ZBBX: variants seen among roughly 807,000 people sequenced by gnomAD.
ZBBX encodes the protein zinc finger B-box domain containing.
ZBBX carries 101 observed loss-of-function variants against 108.5 expected under a neutral mutation model. That is an observed-to-expected ratio of 0.93 (90% confidence interval 0.79 to 1.10). ZBBX has a LOEUF of 1.10. ZBBX is among the 50% of genes least tolerant of loss of function. The pLI, the probability that ZBBX is intolerant of heterozygous loss-of-function variation, is 0.00. For synonymous variants in ZBBX, 356 were observed against 323.4 expected (o/e 1.10, Z -1.08); for missense variants, 1,009 against 941.4 (o/e 1.07, Z -0.94).
chr3:167,330,871 G>GAAGAAGAAGAAGA lies in ZBBX; in HGVS notation c.688-2756_688-2755insTCTTCTTCTTCTT, dbSNP rs1553820669. Among the ~76,000 whole-genome samples the GAAGAAGAAGAAGA allele has an allele frequency of 8.8e-3, 385 of 43,912 alleles. 48 individuals carry two copies. The highest frequency in any genetic ancestry group is 0.013 in the South Asian group (11 of 850). The allele number at this position is 43,912 out of a possible 152,430, so 28.8% of individuals were successfully genotyped here. A position where few individuals can be genotyped will look rare whatever the true frequency, so the allele number is the denominator to read the frequency against. ...GGAGGAGGAGGAGGAGGAGGAGGAG[G>GAAGAAGAAGAAGA]AGAAGAAGAAGAAGAAGAAGAAGAA... On this transcript the variant is annotated intron_variant, in intron 10 of 21. Coordinates refer to ENST00000675490, the MANE Select transcript of ZBBX (RefSeq NM_001199201.2).
intron 9 of ZBBX, among the ~76,000 whole-genome samples, chr3:167,340,605 G>A (rs1347504818): frequency 2.0e-5 from 3 of 151,788 alleles, no homozygotes; most frequent in African/African-American, 7.3e-5. Context: ...CTGAAAATAG[G>A]CTTTATCATA....
intron 20 of ZBBX, among the ~76,000 whole-genome samples, chr3:167,268,972 C>T (rs893823343): frequency 1.5e-4 from 23 of 152,108 alleles, no homozygotes; most frequent in African/African-American, 5.3e-4. Flanking sequence ...GGGGGAACAA[C>T]GTTGCAAAGT....
intron 1 of ZBBX, among the ~76,000 whole-genome samples, chr3:167,406,445 G>A (rs1010885160): frequency 6.6e-6 from 1 of 152,112 alleles, no homozygotes; most frequent in Non-Finnish European, 1.5e-5. Flanking sequence ...TTCCAGCTGG[G>A]TACAGTGGCT....
intron 16 of ZBBX, among the ~76,000 whole-genome samples, chr3:167,306,245 C>G (rs1352343804): frequency 6.6e-6 from 1 of 152,104 alleles, no homozygotes; most frequent in Non-Finnish European, 1.5e-5. Flanking sequence ...GCCTGTGGTT[C>G]AATTCTCACT....
rs146414962 is a variant in ZBBX, at chr3:167,310,962, G to A, written c.1417+3012C>T. ...CATTGCAATCCCAATCAAAATCCCC[G>A]CCTTTTTATAGAGAAACAAATGACC... On this transcript the variant is annotated intron_variant, in intron 16 of 21. Coordinates refer to ENST00000675490, the MANE Select transcript of ZBBX (RefSeq NM_001199201.2). Among the ~76,000 whole-genome samples the A allele has an allele frequency of 1.4e-3, 213 of 152,064 alleles. 1 individual carries two copies. Among genetic ancestry groups the A allele is most frequent in the African/African-American group, 4.7e-3 (193 of 41,474 alleles).
At chr3:167,254,711 T>C (rs1723170071) in intron 20 of ZBBX, among the ~76,000 whole-genome samples, 1 of 152,004 alleles carries the variant, frequency 6.6e-6, no homozygotes, top group Non-Finnish European at 1.5e-5. Context: ...GAAAATTTCT[T>C]TGAAAATAAC....
intron 20 of ZBBX, among the ~76,000 whole-genome samples, chr3:167,270,865 G>A (rs561946020): frequency 2.0e-5 from 3 of 152,270 alleles, no homozygotes; most frequent in Non-Finnish European, 2.9e-5. Flanking sequence ...TTCTTAACAG[G>A]AGATCCAACT....
chr3:167,399,452 G>T (rs1748348851), intron 1 of ZBBX: 1 of 152,244 alleles, frequency 6.6e-6, no homozygotes, highest in South Asian at 2.1e-4. Context: ...GGTGCTAGAG[G>T]TAGGGAACAT....
In ZBBX at chr3:167,282,165, G is replaced by A. The variant is rs1020471061; in HGVS notation, c.2254+73C>T. The A allele has an allele frequency of 1.2e-5, 17 of 1,437,670 alleles. No individual in the cohort carries two copies. The South Asian group carries it at 1.2e-4, about 10-fold the overall frequency. The allele number at this position is 1,437,670 out of a possible 1,614,324, so 89.1% of individuals were successfully genotyped here. A position where few individuals can be genotyped will look rare whatever the true frequency, so the allele number is the denominator to read the frequency against. Reference sequence around the variant, plus strand: ...TTGTTTGCTGGCTTGTTTTGTTAGCGCAAGATATGAAGAATCCGGCTGAGG... The same window carrying A: ...TTGTTTGCTGGCTTGTTTTGTTAGCACAAGATATGAAGAATCCGGCTGAGG... On this transcript the variant is annotated intron_variant, in intron 20 of 21. Coordinates refer to ENST00000675490, the MANE Select transcript of ZBBX (RefSeq NM_001199201.2).
chr3:167,358,201 T>C (rs1475684318), intron 8 of ZBBX, among the ~76,000 whole-genome samples: 12 of 151,518 alleles, frequency 7.9e-5, no homozygotes, highest in Non-Finnish European at 1.5e-4. Context: ...AATAAAAAAA[T>C]AATAAAAAAA....
chr3:167,283,834 G>A (rs1729239581), intron 19 of ZBBX, among the ~76,000 whole-genome samples: 1 of 151,994 alleles, frequency 6.6e-6, no homozygotes, highest in South Asian at 2.1e-4. Context: ...GTAGAGATGG[G>A]GTTTCACCAT....
At chr3:167,253,947 A>G (rs922619490) in intron 20 of ZBBX, among the ~76,000 whole-genome samples, 1 of 152,230 alleles carries the variant, frequency 6.6e-6, no homozygotes, top group Non-Finnish European at 1.5e-5. Context: ...TTAACCTCAA[A>G]GATGGAGCAA....
the ZBBX span, among the ~76,000 whole-genome samples, chr3:167,223,606 G>A: frequency 6.6e-6 from 1 of 151,804 alleles, no homozygotes; most frequent in Non-Finnish European, 1.5e-5. Flanking sequence ...GTCAATTCTA[G>A]CTTTTAACTT....
rs369447323 is a variant in ZBBX at position 167,343,673 on chromosome 3, AC to A, written c.528+6746del. On this transcript the variant is annotated intron_variant, in intron 9 of 21. Coordinates refer to ENST00000675490, the MANE Select transcript of ZBBX (RefSeq NM_001199201.2). The stretch of plus-strand genomic sequence containing the variant: ...AATGCAAACCAAACCACGATGTGCT[AC>A]TGCTTCATATTACTAGGATGTTAGA... 9.9e-4 allele frequency among the ~76,000 whole-genome samples: 151 copies of A among 152,056 alleles called. 5 individuals are homozygous for A. The South Asian group carries it at 0.03, about 30-fold the overall frequency.
chr3:167,346,596 TA>T (rs1741495496), intron 9 of ZBBX, among the ~76,000 whole-genome samples: 1 of 151,958 alleles, frequency 6.6e-6, no homozygotes, highest in African/African-American at 2.4e-5. Flanking sequence ...ACTTGCTTTT[TA>T]TATAGCAATG....
At chr3:167,313,719 C>A (rs1368165076) in intron 16 of ZBBX, among the ~76,000 whole-genome samples, 1 of 152,170 alleles carries the variant, frequency 6.6e-6, no homozygotes, top group East Asian at 1.9e-4. Flanking sequence ...TCCATGTAAT[C>A]TTTTAAATGC....
At chr3:167,388,460 T>C (rs1230987991) in intron 1 of ZBBX, among the ~76,000 whole-genome samples, 1 of 151,826 alleles carries the variant, frequency 6.6e-6, no homozygotes. Flanking sequence ...ACATTGGCTA[T>C]AGAGAGTTAA....
At chr3:167,284,117 C>A (rs1729290549) in intron 19 of ZBBX, among the ~76,000 whole-genome samples, 1 of 151,090 alleles carries the variant, frequency 6.6e-6, no homozygotes, top group Admixed American at 6.6e-5. Flanking sequence ...TAAGACTGAT[C>A]TTTTGTGTCT....
chr3:167,302,760 T>G (rs554262447), intron 17 of ZBBX, among the ~76,000 whole-genome samples: 27 of 152,218 alleles, frequency 1.8e-4, no homozygotes, highest in African/African-American at 6.0e-4. Flanking sequence ...CAGAGTATCA[T>G]CATTTGCACC....
Sources: gnomAD v4.1 joint callset for allele counts (sites outside exome capture counted in the v4.1 genomes callset) on GRCh38, gnomAD v4.1.1 for gene constraint, MANE v1.5 for transcripts, NCBI Gene and HGNC (gene_info 2026-07-23, HGNC 2026-07-21) for gene names.